The following GPHN variants were observed in gnomAD, a reference collection of about 807,000 sequenced individuals.
GPHN encodes the protein gephyrin.
A neutral mutation model predicts 95.5 loss-of-function variants in GPHN; 17 were observed. The ratio of observed to expected loss-of-function variants is 0.18; its 90% CI spans 0.12 to 0.27. The LOEUF is 0.27. GPHN is among the 10% of genes least tolerant of loss of function. The pLI is 1.00. For synonymous variants in GPHN, 320 were observed against 322.5 expected, an observed-to-expected ratio of 0.99 and a Z score of 0.08; for missense variants, 660 against 978.1, an observed-to-expected ratio of 0.67 and a Z score of 4.34.
intron 3 of GPHN, among the ~76,000 whole-genome samples, chr14:66,776,972 G>C (rs534539439): frequency 9.2e-4 from 140 of 151,780 alleles, no homozygotes; most frequent in African/African-American, 2.8e-3. Flanking sequence ...GTGACATGCT[G>C]GTGCATTGCA....
At chr14:67,571,056 T>TC in the GPHN span, 10 of 152,324 alleles carry the variant, frequency 6.6e-5, no homozygotes, top group Non-Finnish European at 1.3e-4. Flanking sequence ...CCAGTACCCT[T>TC]GGTATCGAAG....
chr14:67,027,710 A>AT (rs11329838), intron 10 of GPHN, among the ~76,000 whole-genome samples: 1 of 151,856 alleles, frequency 6.6e-6, no homozygotes, highest in Non-Finnish European at 1.5e-5. Context: ...ACTTTTCTAG[A>AT]TTTTTTTAGT....
chr14:67,074,307 C>G (rs541772516), intron 11 of GPHN, among the ~76,000 whole-genome samples: 176 of 151,978 alleles, frequency 1.2e-3, no homozygotes, highest in African/African-American at 4.0e-3. Context: ...TGGTAATTCT[C>G]ACAATAATTC....
chr14:66,891,822 C>G (rs992275146), intron 5 of GPHN, among the ~76,000 whole-genome samples: 3 of 151,626 alleles, frequency 2.0e-5, no homozygotes, highest in African/African-American at 7.3e-5. Flanking sequence ...GCAGAAGACT[C>G]AAATAGATAT....
intron 13 of GPHN, among the ~76,000 whole-genome samples, chr14:67,105,866 A>T (rs910863429): frequency 3.3e-5 from 5 of 151,890 alleles, no homozygotes; most frequent in Non-Finnish European, 7.4e-5. Context: ...CTGTCATTTC[A>T]TTGTTTCCTG....
At chr14:67,223,580 G>A in the GPHN span, 1 of 305,664 alleles carries the variant, frequency 3.3e-6, no homozygotes, top group Non-Finnish European at 4.8e-6. Context: ...TACAGCAAAT[G>A]AGCAGAAAAA....
intron 5 of GPHN, among the ~76,000 whole-genome samples, chr14:66,896,953 T>C (rs1427125525): frequency 6.6e-6 from 1 of 152,178 alleles, no homozygotes; most frequent in African/African-American, 2.4e-5. Context: ...GATAAACATG[T>C]ATACCTTCAT....
chr14:67,587,595 C>G, the GPHN span: 1 of 282,458 alleles, frequency 3.5e-6, no homozygotes, highest in Non-Finnish European at 6.9e-6. Flanking sequence ...AATTTTCTTT[C>G]TGGGGGGGGC....
At chr14:66,968,650 G>A (rs1368384442) in intron 9 of GPHN, among the ~76,000 whole-genome samples, 3 of 152,064 alleles carry the variant, frequency 2.0e-5, no homozygotes, top group Non-Finnish European at 4.4e-5. Context: ...CATAACCACA[G>A]TAAATTAAGC....
the GPHN span, among the ~76,000 whole-genome samples, chr14:67,427,217 T>A: frequency 6.6e-6 from 1 of 152,168 alleles, no homozygotes; most frequent in Non-Finnish European, 1.5e-5. Context: ...GACAGTCCCG[T>A]TAACTGTAAA....
At chr14:66,790,746 A>G (rs1464947403) in intron 3 of GPHN, among the ~76,000 whole-genome samples, 1 of 152,224 alleles carries the variant, frequency 6.6e-6, no homozygotes, top group African/African-American at 2.4e-5. Flanking sequence ...GAAGCCAGAG[A>G]AAGTCCCACC....
intron 8 of GPHN, among the ~76,000 whole-genome samples, chr14:66,930,580 TA>T (rs1389548624): frequency 4.0e-5 from 6 of 150,816 alleles, no homozygotes; most frequent in Non-Finnish European, 8.9e-5. Flanking sequence ...GGCTGGAGTG[TA>T]ATGGTATAAT....
At chr14:67,653,490 G>A in the GPHN span, 1 of 1,613,712 alleles carries the variant, frequency 6.2e-7, no homozygotes, top group Non-Finnish European at 8.5e-7. Flanking sequence ...TTTCACTTGT[G>A]TTTACCAGCT....
Position 66,927,348 on chromosome 14 carries a change from C to CAA in GPHN, c.828+3071_828+3072dup, listed in dbSNP as rs144817350. ...TGCGTGATGGAGCAAGACTCCATCT[C>CAA]AAAAAAAAAAAAAAAAGATATGCTA... On this transcript the variant is annotated intron_variant, in intron 8 of 22. Transcript: ENST00000478722. Among the ~76,000 whole-genome samples, 492 of 100,080 alleles carry CAA rather than the reference C, an allele frequency of 4.9e-3. 8 individuals are homozygous for CAA. The highest frequency in any genetic ancestry group is 0.02 in the East Asian group (79 of 4,034). 65.7% of individuals were successfully genotyped at this position (100,080 alleles called of 152,430 possible).
chr14:67,717,496 G>C, the GPHN span, among the ~76,000 whole-genome samples: 1 of 152,222 alleles, frequency 6.6e-6, no homozygotes, highest in Non-Finnish European at 1.5e-5. Flanking sequence ...TGAGTGAAAG[G>C]CATGGGATAC....
At position 66,698,260 on chromosome 14, in the gene GPHN, A is replaced by G. The variant is rs142654601; in HGVS notation, c.143+17075A>G. On this transcript the variant is annotated intron_variant, in intron 2 of 22. Coordinates refer to ENST00000478722, the MANE Select transcript of GPHN (RefSeq NM_020806.5). ...AGTCATTCTGCTTGAGCATTTCAAAATGGAGAAAAAGGTTAAATACTTGCT... is the reference window on the plus strand; with the variant it reads ...AGTCATTCTGCTTGAGCATTTCAAAGTGGAGAAAAAGGTTAAATACTTGCT... Among the ~76,000 whole-genome samples the G allele has an allele frequency of 6.5e-4, 99 of 152,264 alleles. No homozygotes were observed. The East Asian group carries it at 0.018, about 28-fold the overall frequency.
intron 1 of GPHN, among the ~76,000 whole-genome samples, chr14:66,553,544 G>C (rs1223398808): frequency 6.6e-6 from 1 of 151,258 alleles, no homozygotes; most frequent in East Asian, 1.9e-4. Context: ...TCAATATACT[G>C]TTAATCCTCT....
chr14:66,862,445 G>A (rs765399931), intron 4 of GPHN, among the ~76,000 whole-genome samples: 4 of 151,956 alleles, frequency 2.6e-5, no homozygotes, highest in Admixed American at 6.6e-5. Context: ...AAAGTATTCC[G>A]AAATACAAGG....
chr14:66,674,065 G>C (rs1024032266), intron 1 of GPHN, among the ~76,000 whole-genome samples: 1 of 151,192 alleles, frequency 6.6e-6, no homozygotes, highest in Non-Finnish European at 1.5e-5. Context: ...TTATACTACA[G>C]TGCTGTAAAG....
Sources: gnomAD v4.1 joint callset for allele counts (sites outside exome capture counted in the v4.1 genomes callset) on GRCh38, gnomAD v4.1.1 for gene constraint, MANE v1.5 for transcripts, NCBI Gene and HGNC (gene_info 2026-07-23, HGNC 2026-07-21) for gene names.